OSBP2: variants seen among roughly 807,000 people sequenced by gnomAD.
OSBP2 encodes the protein oxysterol-binding protein 2.
In OSBP2, 66 loss-of-function variants were observed where a neutral mutation model predicts 96.0. The ratio of observed to expected loss-of-function variants is 0.69; its 90% confidence interval spans 0.56 to 0.84. The LOEUF (loss-of-function observed/expected upper bound fraction) is 0.84, where lower values mean the gene tolerates loss of function less well. OSBP2 is among the 40% of genes least tolerant of loss of function. The pLI, the probability that OSBP2 is intolerant of heterozygous loss-of-function variation, is 0.00. For synonymous variants in OSBP2, 525 were observed against 520.9 expected (o/e 1.01, Z -0.11); for missense variants, 1,038 against 1,222.7 (o/e 0.85, Z 2.25).
intron 1 of OSBP2, among the ~76,000 whole-genome samples, chr22:30,713,566 TCCTCCCACCTCAG>T (rs2089395504): frequency 6.6e-6 from 1 of 152,096 alleles, no homozygotes; most frequent in East Asian, 1.9e-4. Context: ...GCTCAAGTGA[TCCTCCCACCTCAG>T]CCTCCCAAGT....
intron 2 of OSBP2, among the ~76,000 whole-genome samples, chr22:30,784,435 T>A (rs8141331): frequency 0.12 from 18,533 of 150,798 alleles, 1,811 homozygotes; most frequent in East Asian, 0.31. Flanking sequence ...AAAAAAAAAA[T>A]TTTTTTAAAG....
chr22:30,853,575 C>CT (rs1243996231), intron 2 of OSBP2, among the ~76,000 whole-genome samples: 7 of 151,912 alleles, frequency 4.6e-5, no homozygotes, highest in African/African-American at 1.5e-4. Flanking sequence ...ATGAATCTTC[C>CT]TTTTTTTATC....
At chr22:30,730,476 G>A (rs2089731297) in intron 1 of OSBP2, among the ~76,000 whole-genome samples, 1 of 151,962 alleles carries the variant, frequency 6.6e-6, no homozygotes, top group Admixed American at 6.6e-5. Flanking sequence ...AGGCCAGAAA[G>A]ATGTGTCGTA....
At chr22:30,787,410 C>T (rs2090607379) in intron 2 of OSBP2, among the ~76,000 whole-genome samples, 1 of 152,018 alleles carries the variant, frequency 6.6e-6, no homozygotes, top group Non-Finnish European at 1.5e-5. Context: ...CGGTGGCTCA[C>T]GACTGTAATC....
intron 2 of OSBP2, among the ~76,000 whole-genome samples, chr22:30,868,129 G>A (rs73154696): frequency 0.061 from 9,230 of 152,290 alleles, 328 homozygotes; most frequent in Middle Eastern, 0.13. Flanking sequence ...CTGAGGCAGC[G>A]CCTCACCCAC....
intron 2 of OSBP2, among the ~76,000 whole-genome samples, chr22:30,771,994 G>A (rs1372090130): frequency 6.6e-6 from 1 of 152,222 alleles, no homozygotes; most frequent in Non-Finnish European, 1.5e-5. Context: ...TGTGCACAGT[G>A]CCACATCAGT....
upstream of OSBP2, chr22:30,694,753 C>CGGCGGGCGCT (rs1368685022): frequency 2.9e-5 from 15 of 515,870 alleles, no homozygotes; most frequent in African/African-American, 8.3e-5. Flanking sequence ...GCACAACAGC[C>CGGCGGGCGCT]GGCGGGCGCT....
At chr22:30,760,888 T>A (rs1011305131) in intron 2 of OSBP2, among the ~76,000 whole-genome samples, 5 of 151,968 alleles carry the variant, frequency 3.3e-5, no homozygotes, top group African/African-American at 1.2e-4. Context: ...AAAACTACAT[T>A]ATAATATCAA....
chr22:30,715,754 A>G (rs1602161399), intron 1 of OSBP2, among the ~76,000 whole-genome samples: 1 of 151,432 alleles, frequency 6.6e-6, no homozygotes, highest in East Asian at 2.0e-4. Context: ...ACGGGGTTTC[A>G]ACATGTTGGC....
chr22:30,866,364 C>A (rs1302210593), intron 2 of OSBP2, among the ~76,000 whole-genome samples: 2 of 152,216 alleles, frequency 1.3e-5, no homozygotes, highest in African/African-American at 2.4e-5. Context: ...AACGCCTTCT[C>A]CCCTGGAGCC....
chr22:30,816,349 G>C (rs1311952360), intron 2 of OSBP2, among the ~76,000 whole-genome samples: 1 of 152,108 alleles, frequency 6.6e-6, no homozygotes. Context: ...TTATTATCTT[G>C]AGGAATCTGT....
chr22:30,870,673 T>C lies in OSBP2; in HGVS notation c.1098T>C (p.Ala366=). The change falls in exon 3 of 14, where the codon GCT becomes GCC. Residue 366 remains alanine (A), a synonymous_variant. Coordinates refer to ENST00000332585, the MANE Select transcript of OSBP2 (RefSeq NM_030758.4). This position sits in a 1 kb window ranked among gnomAD's most constrained non-coding sequence, Gnocchi z 4.1. ...RATLFRITSN[A]MINACRDFLE... is the part of the protein sequence containing the mutation. ...CCCTCTTCCGCATCACATCCAATGCTATGATCAACGTGAGTACCCACCCCC... is the reference window on the plus strand; with the variant it reads ...CCCTCTTCCGCATCACATCCAATGCCATGATCAACGTGAGTACCCACCCCC... The C allele has an allele frequency of 6.2e-7, 1 of 1,613,304 alleles. No individual in the cohort carries two copies. Among genetic ancestry groups the C allele is most frequent in the East Asian group, 2.2e-5 (1 of 44,848 alleles).
intron 2 of OSBP2, among the ~76,000 whole-genome samples, chr22:30,799,990 A>G (rs1477011462): frequency 6.6e-6 from 1 of 152,202 alleles, no homozygotes; most frequent in Non-Finnish European, 1.5e-5. Context: ...CGTCATGCCT[A>G]CCAGTAAGAC....
intron 1 of OSBP2, among the ~76,000 whole-genome samples, chr22:30,710,935 A>G (rs1443967755): frequency 3.4e-5 from 5 of 148,512 alleles, no homozygotes; most frequent in African/African-American, 1.2e-4. Flanking sequence ...TAGTAGAGAC[A>G]GTTTCACCAT....
intron 2 of OSBP2, among the ~76,000 whole-genome samples, chr22:30,778,330 CA>C (rs1319355503): frequency 1.4e-4 from 22 of 151,770 alleles, no homozygotes; most frequent in African/African-American, 4.1e-4. Context: ...CACACACACA[CA>C]CACCCACTGA....
chr22:30,769,571 C>T (rs2145787174), intron 2 of OSBP2, among the ~76,000 whole-genome samples: 1 of 152,262 alleles, frequency 6.6e-6, no homozygotes, highest in Non-Finnish European at 1.5e-5. Flanking sequence ...ATCACTTGAA[C>T]CTGGGAGGCA....
intron 2 of OSBP2, among the ~76,000 whole-genome samples, chr22:30,746,744 G>C (rs929030218): frequency 2.6e-5 from 4 of 151,834 alleles, no homozygotes; most frequent in African/African-American, 9.7e-5. Flanking sequence ...CGCCTGCCTT[G>C]GCCTCCCAAA....
At chr22:30,736,130 T>A (rs1165485177) in intron 1 of OSBP2, among the ~76,000 whole-genome samples, 1 of 152,072 alleles carries the variant, frequency 6.6e-6, no homozygotes, top group Non-Finnish European at 1.5e-5. Flanking sequence ...TCCAGGCTGG[T>A]CTTGAACTCC....
At chr22:30,874,530 G>A (rs1426770739) in intron 3 of OSBP2, among the ~76,000 whole-genome samples, 2 of 152,138 alleles carry the variant, frequency 1.3e-5, no homozygotes, top group Non-Finnish European at 2.9e-5. Flanking sequence ...GGCAGGGAGG[G>A]AGGGGGGTCC....
Sources: gnomAD v4.1 joint callset for allele counts (sites outside exome capture counted in the v4.1 genomes callset) on GRCh38, gnomAD v4.1.1 for gene constraint, Gnocchi (gnomAD v3.1) non-coding constraint, MANE v1.5 for transcripts, NCBI Gene and HGNC (gene_info 2026-07-23, HGNC 2026-07-21) for gene names.